UNC5D: variants seen among roughly 807,000 people sequenced by gnomAD.
The protein encoded by UNC5D is netrin receptor UNC5D.
A neutral mutation model predicts 105.4 loss-of-function variants in UNC5D; 39 were observed. The ratio of observed to expected loss-of-function variants is 0.37; its 90% CI spans 0.29 to 0.48. UNC5D has a LOEUF of 0.48. Among genes scored for constraint, UNC5D ranks in the 20% least tolerant of loss-of-function variants. The probability of loss-of-function intolerance (pLI) is 0.98; values close to 1 mark genes in which losing one functional copy is unlikely to be tolerated. For synonymous variants in UNC5D, 452 were observed against 450.4 expected, an observed-to-expected ratio of 1.00 and a Z score of -0.04; for missense variants, 991 against 1,202.4, an observed-to-expected ratio of 0.82 and a Z score of 2.60.
intron 1 of UNC5D, among the ~76,000 whole-genome samples, chr8:35,493,248 A>T (rs1407458463): frequency 6.7e-6 from 1 of 149,434 alleles, no homozygotes; most frequent in Non-Finnish European, 1.5e-5. Context: ...AATTTCACTA[A>T]CAATTAAGAG....
At chr8:35,580,751 T>G (rs991824946) in intron 3 of UNC5D, among the ~76,000 whole-genome samples, 5 of 152,136 alleles carry the variant, frequency 3.3e-5, no homozygotes, top group Non-Finnish European at 7.4e-5. Flanking sequence ...AGTGTGGATG[T>G]AGGAATCTAT....
chr8:35,302,261 A>C (rs755808059), intron 1 of UNC5D, among the ~76,000 whole-genome samples: 1 of 152,218 alleles, frequency 6.6e-6, no homozygotes, highest in Non-Finnish European at 1.5e-5. Context: ...CTGAGAGCCA[A>C]ATCTGGAAAA....
At chr8:35,500,195 A>T (rs965967478) in intron 1 of UNC5D, among the ~76,000 whole-genome samples, 3 of 152,184 alleles carry the variant, frequency 2.0e-5, no homozygotes, top group Admixed American at 2.0e-4. Flanking sequence ...TTTATTTCTT[A>T]TAGTTCTGGA....
intron 11 of UNC5D, among the ~76,000 whole-genome samples, chr8:35,731,829 C>A (rs1829213790): frequency 6.6e-6 from 1 of 152,168 alleles, no homozygotes; most frequent in African/African-American, 2.4e-5. Context: ...GAGACAATTT[C>A]TTAGGCAATT....
At chr8:35,239,128 A>G (rs1320943258) in intron 1 of UNC5D, among the ~76,000 whole-genome samples, 1 of 152,156 alleles carries the variant, frequency 6.6e-6, no homozygotes, top group African/African-American at 2.4e-5. Context: ...TAAGAGATTA[A>G]TTGTTCTGAC....
At chr8:35,361,336 AC>A (rs1801839564) in intron 1 of UNC5D, among the ~76,000 whole-genome samples, 2 of 152,166 alleles carry the variant, frequency 1.3e-5, no homozygotes, top group African/African-American at 4.8e-5. Context: ...AGAAGACCTA[AC>A]TATGGAATCT....
chr8:35,248,755 A>G (rs1265159574), intron 1 of UNC5D, among the ~76,000 whole-genome samples: 7 of 99,150 alleles, frequency 7.1e-5, no homozygotes, highest in African/African-American at 3.0e-4. Flanking sequence ...AAATATATAA[A>G]TATATATAAT....
chr8:35,477,153 T>C (rs938418843), intron 1 of UNC5D, among the ~76,000 whole-genome samples: 21 of 152,218 alleles, frequency 1.4e-4, no homozygotes, highest in African/African-American at 5.1e-4. Context: ...GTCATTTGCC[T>C]GCTTTCTGTG....
chr8:35,769,842 A>G (rs1484956318), intron 15 of UNC5D, among the ~76,000 whole-genome samples: 1 of 152,148 alleles, frequency 6.6e-6, no homozygotes, highest in Admixed American at 6.5e-5. Flanking sequence ...GGGTGCCTGT[A>G]GTCCCAGCTA....
rs796489714 is a variant in UNC5D at position 35,451,762 on chromosome 8, TA to T, written c.104-97529del. ...GTTTGAACTTGTTGCTGAATGTTTC[TA>T]GCTTTATCATGTCATGGTTATGTGC... On this transcript the variant is annotated intron_variant, in intron 1 of 16. Coordinates refer to ENST00000404895, the MANE Select transcript of UNC5D (RefSeq NM_080872.4). Among the ~76,000 whole-genome samples the T allele has an allele frequency of 1.1e-3, 166 of 152,300 alleles. 2 individuals are homozygous for T. Among genetic ancestry groups the T allele is most frequent in the African/African-American group, 3.8e-3 (159 of 41,566 alleles).
chr8:35,591,254 CAAA>C (rs139945594), intron 3 of UNC5D, among the ~76,000 whole-genome samples: 1 of 146,952 alleles, frequency 6.8e-6, no homozygotes, highest in South Asian at 2.1e-4. Context: ...ATGCTTTTTA[CAAA>C]AAAAAAGCAA....
rs1436950949 is a variant in UNC5D at position 35,235,828 on chromosome 8, G to A, written c.44G>A (p.Arg15His). ...ACCGCAGGCGGCGGCGGAGGGGCGC[G>A]CCGCTGGCTCCCGTGGCTGGGGCTG... The part of the protein sequence containing the change: ...AATAGGGGGA[R>H]RWLPWLGLCF... The change falls in exon 1 of 17, where the codon CGC becomes CAC. Residue 15 changes from arginine (R) to histidine (H), a missense_variant. Physicochemically the swap from Arg to His is conservative, Grantham distance 29 (BLOSUM62 0). This residue lies in a region of UNC5D where 944 missense variants were observed against 1,131.6 expected (regional missense o/e 0.83). Transcript: ENST00000404895. 3.3e-6 allele frequency: 4 copies of A among 1,230,170 alleles called. No individual in the cohort carries two copies. In the African/African-American group the frequency reaches 4.7e-5, roughly 14 times the overall value. 76.2% of individuals were successfully genotyped at this position (1,230,170 alleles called of 1,614,324 possible).
chr8:35,600,273 G>A (rs1275650745), intron 4 of UNC5D, among the ~76,000 whole-genome samples: 1 of 152,194 alleles, frequency 6.6e-6, no homozygotes, highest in African/African-American at 2.4e-5. Context: ...ACGTGCACAT[G>A]TGTCTTTATA....
intron 1 of UNC5D, among the ~76,000 whole-genome samples, chr8:35,252,193 G>A (rs959537990): frequency 4.0e-5 from 6 of 151,732 alleles, no homozygotes; most frequent in South Asian, 2.1e-4. Context: ...TTTATGAAAA[G>A]CCCCTTGTAA....
At chr8:35,702,457 C>G (rs1475440913) in intron 7 of UNC5D, among the ~76,000 whole-genome samples, 1 of 151,828 alleles carries the variant, frequency 6.6e-6, no homozygotes. Flanking sequence ...CACCACTAAG[C>G]CAACACCACC....
chr8:35,648,711 T>TCTCCAGCTCTTTCTAAAGAAGTCA (rs1418380356), intron 4 of UNC5D, among the ~76,000 whole-genome samples: 3 of 142,050 alleles, frequency 2.1e-5, no homozygotes, highest in Non-Finnish European at 3.0e-5. Flanking sequence ...AGGAGAGAGA[T>TCTCCAGCTCTTTCTAAAGAAGTCA]CTCCAGCTCT....
intron 4 of UNC5D, among the ~76,000 whole-genome samples, chr8:35,604,872 C>T (rs1466395387): frequency 3.9e-5 from 6 of 152,270 alleles, no homozygotes; most frequent in Admixed American, 2.0e-4. Flanking sequence ...ACGTAGTTCT[C>T]GTGCCATGGT....
chr8:35,640,265 C>A (rs987664428), intron 4 of UNC5D, among the ~76,000 whole-genome samples: 7 of 152,074 alleles, frequency 4.6e-5, no homozygotes, highest in Admixed American at 3.3e-4. Context: ...TTCTTGGTTG[C>A]ACAAAATGAA....
intron 1 of UNC5D, among the ~76,000 whole-genome samples, chr8:35,320,214 G>T (rs989058672): frequency 1.3e-5 from 2 of 151,880 alleles, no homozygotes; most frequent in Non-Finnish European, 2.9e-5. Flanking sequence ...AAGTGGGGGT[G>T]GGGGGCAGTT....
Sources: gnomAD v4.1 joint callset for allele counts (sites outside exome capture counted in the v4.1 genomes callset) on GRCh38, gnomAD v4.1.1 for gene constraint, gnomAD v4.1.1 regional missense constraint, MANE v1.5 for transcripts, NCBI Gene and HGNC (gene_info 2026-07-23, HGNC 2026-07-21) for gene names.